BCAS1: variants seen among roughly 807,000 people sequenced by gnomAD.
BCAS1 encodes the protein brain enriched myelin associated protein 1.
BCAS1 carries 46 observed loss-of-function variants against 65.4 expected under a neutral mutation model. That is an observed-to-expected ratio of 0.70 (90% CI 0.55 to 0.90). The LOEUF is 0.90. BCAS1 is among the 40% of genes least tolerant of loss of function. The pLI, the probability that BCAS1 is intolerant of heterozygous loss-of-function variation, is 0.00. For missense variants in BCAS1, 793 were observed against 771.2 expected (o/e 1.03, Z -0.33); for synonymous variants, 298 against 293.5 (o/e 1.02, Z -0.16).
intron 12 of BCAS1, among the ~76,000 whole-genome samples, chr20:53,949,210 A>G (rs991762466): frequency 4.6e-5 from 7 of 152,144 alleles, no homozygotes; most frequent in African/African-American, 1.7e-4. Flanking sequence ...ATCCGCACAC[A>G]CACACACACA....
intron 4 of BCAS1, among the ~76,000 whole-genome samples, chr20:53,997,267 C>T (rs7273075): frequency 0.046 from 7,036 of 152,244 alleles, 514 homozygotes; most frequent in African/African-American, 0.16. Context: ...CCAAGGACAG[C>T]GAGGCCCACA....
chr20:53,951,459 G>A (rs574713395), intron 12 of BCAS1, among the ~76,000 whole-genome samples: 17 of 152,274 alleles, frequency 1.1e-4, no homozygotes, highest in Admixed American at 2.0e-4. Flanking sequence ...CAACAAGAGC[G>A]AAACTCCATC....
chr20:53,966,811 C>T (rs1467405532), intron 10 of BCAS1, 95 bp downstream of exon 10: 8 of 1,225,050 alleles, frequency 6.5e-6, no homozygotes, highest in Non-Finnish European at 8.0e-6. Context: ...ACACCAGCTA[C>T]AATTATGTCT....
intron 7 of BCAS1, among the ~76,000 whole-genome samples, chr20:53,990,190 T>C (rs2090720102): frequency 1.3e-5 from 2 of 152,168 alleles, no homozygotes; most frequent in East Asian, 3.8e-4. Context: ...TTCAGCTGCC[T>C]TACAGAAAGG....
chr20:54,032,444 A>G (rs2091820588), intron 3 of BCAS1, among the ~76,000 whole-genome samples: 1 of 151,354 alleles, frequency 6.6e-6, no homozygotes, highest in Admixed American at 6.6e-5. Context: ...AGCCAACATC[A>G]TGATGACGGT....
intron 4 of BCAS1, among the ~76,000 whole-genome samples, chr20:54,014,354 A>C (rs2091386703): frequency 3.3e-5 from 5 of 152,224 alleles, no homozygotes; most frequent in Admixed American, 3.3e-4. Context: ...ACACTGCTAA[A>C]GTGATTACAA....
chr20:54,033,604 A>C (rs148632869), intron 3 of BCAS1, among the ~76,000 whole-genome samples: 1,630 of 151,268 alleles, frequency 0.011, 48 homozygotes, highest in African/African-American at 0.037. Context: ...ACCAGGAAGA[A>C]ATTGAATCCC....
At chr20:54,020,530 T>A (rs553886294) in intron 4 of BCAS1, among the ~76,000 whole-genome samples, 4 of 152,332 alleles carry the variant, frequency 2.6e-5, no homozygotes, top group African/African-American at 9.6e-5. Flanking sequence ...GACGTTGCAA[T>A]AATACATCCT....
At chr20:53,957,084 T>C (rs1198434630) in intron 11 of BCAS1, among the ~76,000 whole-genome samples, 1 of 152,154 alleles carries the variant, frequency 6.6e-6, no homozygotes, top group African/African-American at 2.4e-5. Flanking sequence ...CAATTTGTGA[T>C]GACGCTATGA....
chr20:54,067,683 C>T (rs1771518779), intron 1 of BCAS1, among the ~76,000 whole-genome samples: 1 of 152,190 alleles, frequency 6.6e-6, no homozygotes, highest in South Asian at 2.1e-4. Context: ...GGCCAAACGC[C>T]AAACCCCATG....
At chr20:53,962,714 TTGTTTAAAA>T in intron 10 of BCAS1, among the ~76,000 whole-genome samples, 1 of 152,292 alleles carries the variant, frequency 6.6e-6, no homozygotes, top group South Asian at 2.1e-4. Flanking sequence ...TTCCTCGCAA[TTGTTTAAAA>T]TCCTGCAGGA....
chr20:54,002,206 G>C (rs2091073913), intron 4 of BCAS1, among the ~76,000 whole-genome samples: 1 of 152,062 alleles, frequency 6.6e-6, no homozygotes, highest in South Asian at 2.1e-4. Context: ...GCCACCTTGG[G>C]CTCAGGGAGC....
intron 10 of BCAS1, among the ~76,000 whole-genome samples, chr20:53,960,769 CAG>C (rs1461095315): frequency 6.6e-6 from 1 of 151,856 alleles, no homozygotes; most frequent in Non-Finnish European, 1.5e-5. Flanking sequence ...TTTTTCTTTG[CAG>C]AGACAAATCA....
intron 3 of BCAS1, among the ~76,000 whole-genome samples, chr20:54,049,571 CTT>C (rs781612789): frequency 7.7e-5 from 11 of 143,530 alleles, no homozygotes; most frequent in East Asian, 4.0e-4. Flanking sequence ...ATAGCCTCTA[CTT>C]TTTTTTTTTT....
chr20:53,988,022 A>G (rs1290080962), intron 7 of BCAS1, among the ~76,000 whole-genome samples: 1 of 152,094 alleles, frequency 6.6e-6, no homozygotes, highest in Non-Finnish European at 1.5e-5. Context: ...GTTGGGGCTG[A>G]CCTCATCCCC....
At chr20:54,069,043 T>A (rs977289338) in intron 1 of BCAS1, among the ~76,000 whole-genome samples, 1 of 152,136 alleles carries the variant, frequency 6.6e-6, no homozygotes, top group African/African-American at 2.4e-5. Context: ...AAAAAAAGAA[T>A]CTTCTGTGAT....
chr20:53,996,730 C>T (rs1600819387), intron 4 of BCAS1, among the ~76,000 whole-genome samples: 1 of 152,062 alleles, frequency 6.6e-6, no homozygotes, highest in Non-Finnish European at 1.5e-5. Flanking sequence ...GGGCTCTTGA[C>T]CCTCACAATA....
chr20:54,022,465 A>G (rs994055689), intron 4 of BCAS1, among the ~76,000 whole-genome samples: 1 of 152,190 alleles, frequency 6.6e-6, no homozygotes, highest in Admixed American at 6.5e-5. Context: ...CATGACTACT[A>G]CTGATGGCCT....
At chr20:54,038,956 C>A (rs779517711) in intron 3 of BCAS1, among the ~76,000 whole-genome samples, 1 of 151,018 alleles carries the variant, frequency 6.6e-6, no homozygotes, top group Non-Finnish European at 1.5e-5. Flanking sequence ...CACAGATCAC[C>A]GAAGAAGGAA....
Sources: allele counts gnomAD v4.1 joint callset (sites outside exome capture counted in the v4.1 genomes callset), GRCh38; gene constraint gnomAD v4.1.1; transcripts MANE v1.5; gene names NCBI Gene and HGNC (gene_info 2026-07-23, HGNC 2026-07-21).